The following RYR3 variants were observed in gnomAD, a reference collection of about 807,000 sequenced individuals.
RYR3 encodes brain ryanodine receptor-calcium release channel.
Under a neutral mutation model 584.3 loss-of-function variants are expected in RYR3, and 207 were observed. The observed-to-expected ratio is 0.35, with a 90% confidence interval of 0.32 to 0.40. RYR3 has a LOEUF of 0.40. Ranked by LOEUF, RYR3 falls within the 10% of genes least tolerant of loss-of-function variation. The pLI, the probability that RYR3 is intolerant of heterozygous loss-of-function variation, is 1.00. For missense variants in RYR3, 5,616 were observed against 6,089.2 expected (o/e 0.92, Z 2.59); for synonymous variants, 2,416 against 2,248.5 (o/e 1.07, Z -2.11).
At chr15:33,322,004 CT>C (rs1969034353) in intron 1 of RYR3, among the ~76,000 whole-genome samples, 1 of 152,190 alleles carries the variant, frequency 6.6e-6, no homozygotes, top group African/African-American at 2.4e-5. Flanking sequence ...TCACCATTTG[CT>C]GCTTCCTTCT....
chr15:33,663,039 G>T, intron 35 of RYR3, 91 bp downstream of exon 35: 1 of 1,188,468 alleles, frequency 8.4e-7, no homozygotes, highest in Non-Finnish European at 1.2e-6. Context: ...AAGGAGGTAA[G>T]GTATGTCAAG....
intron 70 of RYR3, among the ~76,000 whole-genome samples, chr15:33,809,949 C>T (rs2076428092): frequency 6.6e-6 from 1 of 152,308 alleles, no homozygotes; most frequent in Non-Finnish European, 1.5e-5. Flanking sequence ...TTTCCTTCAG[C>T]TGGATTCCAA....
At chr15:33,312,799 T>A (rs1228253967) in intron 1 of RYR3, among the ~76,000 whole-genome samples, 1 of 152,224 alleles carries the variant, frequency 6.6e-6, no homozygotes, top group African/African-American at 2.4e-5. Flanking sequence ...ATCCTTATGC[T>A]TTTCTCTTGG....
In RYR3 at chr15:33,838,326, G is replaced by A. The variant is rs368915768; in HGVS notation, c.12346G>A (p.Glu4116Lys). The A allele has an allele frequency of 1.9e-6, 3 of 1,613,842 alleles. No homozygotes were observed. The highest frequency in any genetic ancestry group is 2.5e-6 in the Non-Finnish European group (3 of 1,179,846). ...DSADRPEEEE[E>K]DEDSSYVLEI... Reference sequence around the variant, plus strand: ...AGCTGACAGGCCAGAAGAGGAGGAAGAAGATGAAGATTCTTCTTACGTGTT... The same window carrying A: ...AGCTGACAGGCCAGAAGAGGAGGAAAAAGATGAAGATTCTTCTTACGTGTT... The change falls in exon 89 of 104, where the codon GAA becomes AAA. Residue 4116 changes from glutamate to lysine, a missense_variant. Glu to Lys is a moderately conservative substitution (Grantham distance 56). This residue lies in a region of RYR3 where 258 missense variants were observed against 297.3 expected (regional missense o/e 0.87). Coordinates refer to ENST00000634891, the MANE Select transcript of RYR3 (RefSeq NM_001036.6).
intron 7 of RYR3, 131 bp downstream of exon 7, chr15:33,541,021 T>C (rs2055772590): frequency 1.2e-5 from 7 of 602,886 alleles, no homozygotes; most frequent in African/African-American, 1.8e-5. Context: ...TTTAGCTCAC[T>C]TGAGTTTCTT....
At chr15:33,803,800 C>T (rs1039061390) in intron 69 of RYR3, among the ~76,000 whole-genome samples, 4 of 152,224 alleles carry the variant, frequency 2.6e-5, no homozygotes, top group African/African-American at 9.6e-5. Context: ...CAGGCGTGAG[C>T]CACAGCTCCC....
intron 1 of RYR3, among the ~76,000 whole-genome samples, chr15:33,318,776 A>G (rs1339081668): frequency 6.6e-6 from 1 of 152,212 alleles, no homozygotes; most frequent in African/African-American, 2.4e-5. Flanking sequence ...TTTGTTTTAA[A>G]TAATTCATAA....
chr15:33,427,953 C>T (rs2044784858), intron 1 of RYR3, among the ~76,000 whole-genome samples: 1 of 152,234 alleles, frequency 6.6e-6, no homozygotes, highest in African/African-American at 2.4e-5. Flanking sequence ...CTTGCTGAAG[C>T]CTTTCTGAAA....
chr15:33,384,950 T>C (rs992814604), intron 1 of RYR3, among the ~76,000 whole-genome samples: 1 of 152,238 alleles, frequency 6.6e-6, no homozygotes, highest in African/African-American at 2.4e-5. Context: ...AGGATAACTA[T>C]GAAAGAAACA....
chr15:33,854,536 G>C, intron 97 of RYR3, 87 bp downstream of exon 97: 2 of 1,191,318 alleles, frequency 1.7e-6, no homozygotes, highest in Non-Finnish European at 2.4e-6. Flanking sequence ...GCTCAGAAGG[G>C]TTCAGGGATT....
At chr15:33,333,229 G>A (rs1970575648) in intron 1 of RYR3, among the ~76,000 whole-genome samples, 1 of 152,044 alleles carries the variant, frequency 6.6e-6, no homozygotes, top group Non-Finnish European at 1.5e-5. Context: ...GCATCATCTT[G>A]ATATCAAAAC....
intron 18 of RYR3, among the ~76,000 whole-genome samples, chr15:33,605,327 C>T (rs2059854319): frequency 6.6e-6 from 1 of 152,122 alleles, no homozygotes; most frequent in Admixed American, 6.5e-5. Flanking sequence ...AATTGTGTAT[C>T]ATTCCAGGAG....
At chr15:33,660,942 T>C (rs1408461510) in intron 34 of RYR3, among the ~76,000 whole-genome samples, 1 of 152,180 alleles carries the variant, frequency 6.6e-6, no homozygotes, top group East Asian at 1.9e-4. Flanking sequence ...GGGAGGAAAA[T>C]AATGAGATTG....
chr15:33,823,965 G>A (rs1248010669), intron 81 of RYR3, among the ~76,000 whole-genome samples: 3 of 152,168 alleles, frequency 2.0e-5, no homozygotes, highest in Admixed American at 6.5e-5. Context: ...ACCCTGGGCA[G>A]TAGGGAGCAT....
In RYR3 at chr15:33,663,746, C is replaced by T. The variant is rs1370605609; in HGVS notation, c.5619+9C>T. On this transcript the variant is annotated intron_variant, in intron 36 of 103. Coordinates refer to ENST00000634891, the MANE Select transcript of RYR3 (RefSeq NM_001036.6). ...CACCCCCACAGGAGCAGGTGAGGGT[C>T]CTTCCTGAGCCTCTGTCCAGTTCCT... 2.5e-6 allele frequency: 4 copies of T among 1,591,596 alleles called. No individual in the cohort carries two copies. Among genetic ancestry groups the T allele is most frequent in the East Asian group, 2.3e-5 (1 of 43,876 alleles).
chr15:33,832,667 A>AC (rs1386556775), intron 86 of RYR3, among the ~76,000 whole-genome samples: 1 of 151,592 alleles, frequency 6.6e-6, no homozygotes, highest in Non-Finnish European at 1.5e-5. Context: ...AAAAAAAAAA[A>AC]AAAAACCCTA....
chr15:33,817,480 C>G (rs2076876235), intron 75 of RYR3, among the ~76,000 whole-genome samples: 2 of 152,226 alleles, frequency 1.3e-5, no homozygotes, highest in African/African-American at 4.8e-5. Flanking sequence ...GAGCCTCATT[C>G]TGGTTCAGAG....
chr15:33,834,825 C>A, intron 86 of RYR3, 143 bp from the exon 87 acceptor site: 1 of 566,800 alleles, frequency 1.8e-6, no homozygotes, highest in Non-Finnish European at 3.1e-6. Flanking sequence ...AAGTAATAAT[C>A]CTGGGAAAAT....
intron 3 of RYR3, among the ~76,000 whole-genome samples, chr15:33,529,724 T>C (rs1595462269): frequency 6.6e-6 from 1 of 152,116 alleles, no homozygotes; most frequent in East Asian, 1.9e-4. Context: ...AGGTGAGAGG[T>C]TGGAAATGTT....
Sources: gnomAD v4.1 joint callset for allele counts (sites outside exome capture counted in the v4.1 genomes callset) on GRCh38, gnomAD v4.1.1 for gene constraint, gnomAD v4.1.1 regional missense constraint, MANE v1.5 for transcripts, NCBI Gene and HGNC (gene_info 2026-07-23, HGNC 2026-07-21) for gene names.